The following LNPEP variants were observed in gnomAD, a reference collection of about 807,000 sequenced individuals.
LNPEP encodes leucyl and cystinyl aminopeptidase, also known as leucyl-cystinyl aminopeptidase.
In LNPEP, 64 loss-of-function variants were observed where a neutral mutation model predicts 120.6. That is an observed-to-expected ratio of 0.53 (90% CI 0.43 to 0.65). LNPEP has a LOEUF of 0.65. Among genes scored for constraint, LNPEP ranks in the 30% least tolerant of loss-of-function variants. The pLI is 0.00. For synonymous variants in LNPEP, 435 were observed against 425.4 expected (o/e 1.02, Z -0.28); for missense variants, 1,057 against 1,200.0 (o/e 0.88, Z 1.76).
At chr5:96,989,313 TTATATATAATATATA>T (rs1561442974) in intron 4 of LNPEP, among the ~76,000 whole-genome samples, 3 of 23,176 alleles carry the variant, frequency 1.3e-4, no homozygotes, top group African/African-American at 4.8e-4. Flanking sequence ...ATATTGTATA[TTATATATAATATATA>T]ATTATATATA....
chr5:96,967,363 T>G (rs1397229110), intron 1 of LNPEP, among the ~76,000 whole-genome samples: 1 of 152,032 alleles, frequency 6.6e-6, no homozygotes, highest in East Asian at 1.9e-4. Context: ...CAGAGTGGTC[T>G]TAAACTCTTG....
rs1039813963 is a variant in LNPEP at position 97,033,334 on chromosome 5, T to C, written c.*4801T>C. The C allele has an allele frequency of 2.6e-5, 4 of 152,202 alleles. No homozygotes were observed. Among genetic ancestry groups the C allele is most frequent in the African/African-American group, 9.7e-5 (4 of 41,448 alleles). 9.4% of individuals were successfully genotyped at this position (152,202 alleles called of 1,614,324 possible). On this transcript the variant is annotated 3_prime_UTR_variant, in exon 18 of 18. Coordinates refer to ENST00000231368, the MANE Select transcript of LNPEP (RefSeq NM_005575.3). ...GGTAGGAAAATGCACTTAATGTATA[T>C]ACATGTTTTTACTACTACATTGTAT...
intron 1 of LNPEP, among the ~76,000 whole-genome samples, chr5:96,974,512 A>T (rs1789943232): frequency 6.6e-6 from 1 of 152,114 alleles, no homozygotes; most frequent in South Asian, 2.1e-4. Flanking sequence ...CTGCAGAAAT[A>T]CATGCCCAAG....
chr5:96,963,678 T>C (rs1378578717), intron 1 of LNPEP, among the ~76,000 whole-genome samples: 2 of 152,186 alleles, frequency 1.3e-5, no homozygotes, highest in Non-Finnish European at 2.9e-5. Flanking sequence ...CAAGGCTGGA[T>C]TCAGTGGCGA....
rs1016622198 is a variant in LNPEP at position 97,032,169 on chromosome 5, A to C, written c.*3636A>C. On this transcript the variant is annotated 3_prime_UTR_variant, in exon 18 of 18. Coordinates refer to ENST00000231368, the MANE Select transcript of LNPEP (RefSeq NM_005575.3). ...TAAAAACTGAGGCCATGGATATGAC[A>C]TAGCTTTTCTTCTCACCTATGCCTT... The C allele has an allele frequency of 6.6e-6, 1 of 152,208 alleles. No individual in the cohort carries two copies. The highest frequency in any genetic ancestry group is 2.4e-5 in the African/African-American group (1 of 41,452). The allele number at this position is 152,208 out of a possible 1,614,324, so 9.4% of individuals were successfully genotyped here. A position where few individuals can be genotyped will look rare whatever the true frequency, so the allele number is the denominator to read the frequency against.
chr5:96,986,443 C>T, intron 3 of LNPEP, 96 bp from the exon 4 acceptor site: 1 of 1,203,550 alleles, frequency 8.3e-7, no homozygotes, highest in South Asian at 1.4e-5. Context: ...GCATCTTTAC[C>T]ATTTATTTCC....
chr5:97,007,832 C>A (rs1790822596), intron 11 of LNPEP, among the ~76,000 whole-genome samples: 1 of 152,034 alleles, frequency 6.6e-6, no homozygotes, highest in Non-Finnish European at 1.5e-5. Context: ...GAATGCTTTT[C>A]AAAAATGAAG....
At chr5:96,954,768 ATATATT>A (rs1323598372) in intron 1 of LNPEP, among the ~76,000 whole-genome samples, 603 of 36,090 alleles carry the variant, frequency 0.017, 118 homozygotes, top group Non-Finnish European at 0.024. Context: ...ATATATATAT[ATATATT>A]TTTTTTTTTT....
At chr5:96,991,425 A>C (rs946352939) in intron 4 of LNPEP, among the ~76,000 whole-genome samples, 1 of 152,178 alleles carries the variant, frequency 6.6e-6, no homozygotes, top group African/African-American at 2.4e-5. Context: ...TCCCACCAGC[A>C]GTGTAAAGGT....
At chr5:96,949,950 C>G (rs1789286303) in intron 1 of LNPEP, among the ~76,000 whole-genome samples, 1 of 152,274 alleles carries the variant, frequency 6.6e-6, no homozygotes, top group South Asian at 2.1e-4. Flanking sequence ...CTTTTCCATC[C>G]TCCCCCTCAC....
intron 2 of LNPEP, among the ~76,000 whole-genome samples, chr5:96,983,336 C>T (rs747633597): frequency 2.0e-5 from 3 of 152,208 alleles, no homozygotes; most frequent in African/African-American, 4.8e-5. Flanking sequence ...ATTATAGCCA[C>T]GCTGGGATGA....
intron 8 of LNPEP, among the ~76,000 whole-genome samples, chr5:97,000,360 C>T (rs1264315364): frequency 6.6e-6 from 1 of 152,066 alleles, no homozygotes; most frequent in Non-Finnish European, 1.5e-5. Flanking sequence ...ATATAGGAGG[C>T]CTGAGACTGC....
chr5:96,973,235 C>A (rs941594800), intron 1 of LNPEP, among the ~76,000 whole-genome samples: 1 of 151,892 alleles, frequency 6.6e-6, no homozygotes, highest in Non-Finnish European at 1.5e-5. Context: ...ATGGGTTTAG[C>A]GGGGGTTGGG....
At chr5:96,952,330 G>A (rs1789343704) in intron 1 of LNPEP, among the ~76,000 whole-genome samples, 1 of 152,212 alleles carries the variant, frequency 6.6e-6, no homozygotes, top group Non-Finnish European at 1.5e-5. Context: ...ACACTCATGA[G>A]AGAAGTGGAG....
chr5:96,947,838 CT>C (rs1241487216), intron 1 of LNPEP, among the ~76,000 whole-genome samples: 4 of 151,986 alleles, frequency 2.6e-5, no homozygotes, highest in Non-Finnish European at 5.9e-5. Context: ...GAGATGAGTG[CT>C]TTGGGTTTAA....
At chr5:96,980,698 G>T (rs542430026) in intron 2 of LNPEP, among the ~76,000 whole-genome samples, 2 of 152,248 alleles carry the variant, frequency 1.3e-5, no homozygotes, top group East Asian at 3.9e-4. Context: ...CAGTTGTCTT[G>T]TGCACAAAAT....
chr5:96,954,943 C>G (rs7705093), intron 1 of LNPEP, among the ~76,000 whole-genome samples: 1 of 148,794 alleles, frequency 6.7e-6, no homozygotes, highest in Admixed American at 6.7e-5. Context: ...CCACCACGCC[C>G]GGCTAATTTT....
chr5:96,963,638 C>A (rs1384419050), intron 1 of LNPEP, among the ~76,000 whole-genome samples: 1 of 152,174 alleles, frequency 6.6e-6, no homozygotes, highest in Non-Finnish European at 1.5e-5. Flanking sequence ...AGTGTCATTT[C>A]TGCTGCATTC....
intron 1 of LNPEP, among the ~76,000 whole-genome samples, chr5:96,938,260 T>C (rs763898009): frequency 6.6e-6 from 1 of 152,346 alleles, no homozygotes; most frequent in Middle Eastern, 3.4e-3. Context: ...CTGGGTGTGA[T>C]GATGCAGAGT....
Sources: gnomAD v4.1 joint callset for allele counts (sites outside exome capture counted in the v4.1 genomes callset) on GRCh38, gnomAD v4.1.1 for gene constraint, MANE v1.5 for transcripts, NCBI Gene and HGNC (gene_info 2026-07-23, HGNC 2026-07-21) for gene names.